FHIT: variants seen among roughly 807,000 people sequenced by gnomAD.
FHIT encodes fragile histidine triad diadenosine triphosphatase, also known as bis(5'-adenosyl)-triphosphatase.
In FHIT, 19 loss-of-function variants were observed where a neutral mutation model predicts 17.9. The observed-to-expected ratio is 1.06, with a 90% CI of 0.74 to 1.56. The LOEUF (loss-of-function observed/expected upper bound fraction) is 1.56. FHIT is among the 40% of genes most tolerant of loss of function. The probability of loss-of-function intolerance (pLI) is 0.00; values close to 1 mark genes in which losing one functional copy is unlikely to be tolerated. For synonymous variants in FHIT, 81 were observed against 69.7 expected (o/e 1.16, Z -0.81); for missense variants, 248 against 189.2 (o/e 1.31, Z -1.82).
At chr3:60,961,394 A>G (rs1221276222) in intron 3 of FHIT, among the ~76,000 whole-genome samples, 1 of 152,132 alleles carries the variant, frequency 6.6e-6, no homozygotes, top group Non-Finnish European at 1.5e-5. Context: ...GTTCACTCTG[A>G]TGGTAGTTTC....
In FHIT at chr3:60,517,040, T is replaced by C. The variant is rs535979619; in HGVS notation, c.103+19820A>G. ...AAGTCACATCAGACAGGGGAAATTC[T>C]TTAATGTAATTTCTGTTGCATTTTG... On this transcript the variant is annotated intron_variant, in intron 5 of 9. Coordinates refer to ENST00000492590, the MANE Select transcript of FHIT (RefSeq NM_002012.4). Among the ~76,000 whole-genome samples, 3 of 152,334 alleles carry C rather than the reference T, an allele frequency of 2.0e-5. No individual in the cohort carries two copies. In the East Asian group the frequency reaches 5.8e-4, roughly 29 times the overall value.
intron 3 of FHIT, among the ~76,000 whole-genome samples, chr3:61,032,628 C>T (rs2033061208): frequency 6.6e-6 from 1 of 152,154 alleles, no homozygotes; most frequent in Non-Finnish European, 1.5e-5. Context: ...GGCTAATAGA[C>T]CTAAACAATC....
chr3:60,859,551 C>T (rs1247490143), intron 3 of FHIT, among the ~76,000 whole-genome samples: 1 of 151,686 alleles, frequency 6.6e-6, no homozygotes, highest in Non-Finnish European at 1.5e-5. Context: ...CCTGGATGGG[C>T]CTACAGAAAT....
chr3:60,309,187 A>C (rs1288784052), intron 5 of FHIT, among the ~76,000 whole-genome samples: 1 of 152,086 alleles, frequency 6.6e-6, no homozygotes, highest in Non-Finnish European at 1.5e-5. Flanking sequence ...CTTGCAGCGG[A>C]AGGTTTGGAA....
At position 60,953,820 on chromosome 3, in the gene FHIT, A is replaced by G. The variant is rs561126608; in HGVS notation, c.-111+88227T>C. Reference sequence around the variant, plus strand: ...AAGAGACGAAGACGAGAAGGGTGCCAGATTCATTACTATTGATTCCCTGCT... The same window carrying G: ...AAGAGACGAAGACGAGAAGGGTGCCGGATTCATTACTATTGATTCCCTGCT... On this transcript the variant is annotated intron_variant, in intron 3 of 9. Transcript: ENST00000492590. Among the ~76,000 whole-genome samples, 6 of 152,352 alleles carry G rather than the reference A, an allele frequency of 3.9e-5. No individual in the cohort carries two copies. The South Asian group carries it at 1.2e-3, about 32-fold the overall frequency.
chr3:60,347,249 C>G (rs1161855656), intron 5 of FHIT, among the ~76,000 whole-genome samples: 1 of 152,008 alleles, frequency 6.6e-6, no homozygotes, highest in Non-Finnish European at 1.5e-5. Flanking sequence ...ATGGATGAGT[C>G]TCATTAGCAG....
At chr3:60,043,465 C>G (rs950204846) in intron 5 of FHIT, among the ~76,000 whole-genome samples, 4 of 152,142 alleles carry the variant, frequency 2.6e-5, no homozygotes, top group Non-Finnish European at 5.9e-5. Flanking sequence ...ATTACTAGCT[C>G]CATTTTACAG....
At chr3:60,578,531 A>C (rs898306757) in intron 4 of FHIT, among the ~76,000 whole-genome samples, 1 of 152,044 alleles carries the variant, frequency 6.6e-6, no homozygotes, top group Non-Finnish European at 1.5e-5. Flanking sequence ...TTATCATGGG[A>C]AACAAGATCT....
At chr3:61,088,372 G>A (rs1437908609) in intron 2 of FHIT, among the ~76,000 whole-genome samples, 1 of 152,176 alleles carries the variant, frequency 6.6e-6, no homozygotes, top group Non-Finnish European at 1.5e-5. Context: ...TTGGGAGGGA[G>A]CTAATTACAA....
intron 5 of FHIT, among the ~76,000 whole-genome samples, chr3:60,206,479 A>T (rs1366418208): frequency 6.6e-6 from 1 of 151,642 alleles, no homozygotes; most frequent in Non-Finnish European, 1.5e-5. Flanking sequence ...CCAAAAGCAC[A>T]ATTTTTTTCT....
At chr3:60,401,085 C>T (rs531890161) in intron 5 of FHIT, among the ~76,000 whole-genome samples, 3 of 152,050 alleles carry the variant, frequency 2.0e-5, no homozygotes, top group Non-Finnish European at 4.4e-5. Context: ...ATTCTGCAGC[C>T]CCTGGTAGCA....
chr3:60,797,421 C>A (rs1157383956), intron 4 of FHIT, among the ~76,000 whole-genome samples: 1 of 151,264 alleles, frequency 6.6e-6, no homozygotes, highest in East Asian at 1.9e-4. Flanking sequence ...GAAATTAATT[C>A]ATGATTAAGA....
intron 3 of FHIT, among the ~76,000 whole-genome samples, chr3:60,827,130 G>A (rs1175475477): frequency 1.3e-5 from 2 of 152,194 alleles, no homozygotes; most frequent in African/African-American, 2.4e-5. Flanking sequence ...TGTGAAGAAT[G>A]TTCCTTCTCT....
At chr3:60,584,203 A>G (rs541396709) in intron 4 of FHIT, among the ~76,000 whole-genome samples, 9 of 152,192 alleles carry the variant, frequency 5.9e-5, no homozygotes, top group East Asian at 3.9e-4. Context: ...GCCAGTTGAC[A>G]TGAGTTGATA....
At chr3:60,018,146 G>A (rs899946750) in intron 5 of FHIT, among the ~76,000 whole-genome samples, 2 of 152,208 alleles carry the variant, frequency 1.3e-5, no homozygotes, top group Non-Finnish European at 2.9e-5. Context: ...CATGGCAGAA[G>A]TGGAAGGGAA....
intron 5 of FHIT, among the ~76,000 whole-genome samples, chr3:60,073,500 A>T (rs745680120): frequency 1.6e-4 from 24 of 152,074 alleles, no homozygotes; most frequent in Non-Finnish European, 2.5e-4. Flanking sequence ...TGTTCGTCTC[A>T]CGTTTGCTCT....
rs537047807 is a variant in FHIT, at chr3:59,970,688, T to G, written c.279+40683A>C. On this transcript the variant is annotated intron_variant, in intron 7 of 9. Transcript: ENST00000492590. ...CGAGCAGCATATGCTTGATTTTCCC[T>G]TCTGCTACTCATCCTGCCATTTGTT... is the stretch of plus-strand genomic sequence containing the variant. Among the ~76,000 whole-genome samples, 4 of 152,218 alleles carry G rather than the reference T, an allele frequency of 2.6e-5. No individual in the cohort carries two copies. The East Asian group carries it at 7.7e-4, about 29-fold the overall frequency.
chr3:60,582,622 G>A (rs1359806250), intron 4 of FHIT, among the ~76,000 whole-genome samples: 2 of 147,134 alleles, frequency 1.4e-5, no homozygotes, highest in African/African-American at 4.9e-5. Context: ...GGAGTATTTG[G>A]GATAAAAAAA....
At chr3:60,011,648 T>C (rs1308969743) in intron 6 of FHIT, among the ~76,000 whole-genome samples, 1 of 152,232 alleles carries the variant, frequency 6.6e-6, no homozygotes, top group Non-Finnish European at 1.5e-5. Context: ...CTACTTTTCA[T>C]GCTCTTTGCT....
Sources: gnomAD v4.1 joint callset for allele counts (sites outside exome capture counted in the v4.1 genomes callset) on GRCh38, gnomAD v4.1.1 for gene constraint, MANE v1.5 for transcripts, NCBI Gene and HGNC (gene_info 2026-07-23, HGNC 2026-07-21) for gene names.